The following BSX variants were observed in gnomAD, a reference collection of about 807,000 sequenced individuals.
The protein encoded by BSX is brain-specific homeobox protein homolog.
Under a neutral mutation model 16.9 loss-of-function variants are expected in BSX, and 12 were observed. The ratio of observed to expected loss-of-function variants is 0.71; its 90% CI spans 0.46 to 1.15. BSX has a LOEUF of 1.15. Ranked by LOEUF, BSX falls within the 50% of genes most tolerant of loss-of-function variation. The probability of loss-of-function intolerance (pLI) is 0.00; values close to 1 mark genes in which losing one functional copy is unlikely to be tolerated. For missense variants in BSX, 292 were observed against 311.8 expected (o/e 0.94, Z 0.48); for synonymous variants, 160 against 136.4 (o/e 1.17, Z -1.20).
Position 122,981,516 on chromosome 11 carries a change from T to C in BSX, c.156A>G (p.Leu52=), listed in dbSNP as rs370532557. The C allele has an allele frequency of 1.8e-4, 280 of 1,594,924 alleles. No homozygotes were observed. The highest frequency in any genetic ancestry group is 2.2e-4 in the Non-Finnish European group (256 of 1,170,732). ...TGGGCATGAGGGGGTAGCCATAGTCTAGCAGAGGCACCCGAGAGGCCAGAG... is the reference window on the plus strand; with the variant it reads ...TGGGCATGAGGGGGTAGCCATAGTCCAGCAGAGGCACCCGAGAGGCCAGAG... The part of the protein sequence containing the change: ...ASSLASRVPL[L]DYGYPLMPTP... The change falls in exon 1 of 3, where the codon CTA becomes CTG. Residue 52 remains leucine (L), a synonymous_variant. Coordinates refer to ENST00000343035, the MANE Select transcript of BSX (RefSeq NM_001098169.2).
At position 122,981,752 on chromosome 11, in the gene BSX, C is replaced by T; in HGVS notation, c.-81G>A. ...CAGAGTCTCCAAGCCTGCTCGAAAG[C>T]CGGCAACCACCCTCCGAGGCTCGAA... On this transcript the variant is annotated 5_prime_UTR_variant, in exon 1 of 3. Transcript: ENST00000343035. The T allele has an allele frequency of 7.3e-7, 1 of 1,377,242 alleles. No homozygotes were observed. The allele number at this position is 1,377,242 out of a possible 1,614,324, so 85.3% of individuals were successfully genotyped here. A position where few individuals can be genotyped will look rare whatever the true frequency, so the allele number is the denominator to read the frequency against.
intron 1 of BSX, among the ~76,000 whole-genome samples, chr11:122,980,242 G>A (rs73608623): frequency 8.3e-4 from 126 of 151,748 alleles, no homozygotes; most frequent in African/African-American, 3.0e-3. Context: ...CCTGACCCTC[G>A]CAGGCTTGAC....
chr11:122,981,341 A>G, intron 1 of BSX, 69 bp downstream of exon 1: 3 of 1,387,008 alleles, frequency 2.2e-6, no homozygotes, highest in Non-Finnish European at 2.9e-6. Flanking sequence ...TGACTCCATC[A>G]CAGGCTTAGG....
chr11:122,977,674 A>G lies in BSX; in HGVS notation c.677T>C (p.Leu226Pro), dbSNP rs764094953. 2 of 1,610,734 alleles carry G rather than the reference A, an allele frequency of 1.2e-6. No individual in the cohort carries two copies. The highest frequency in any genetic ancestry group is 3.3e-5 in the Admixed American group (2 of 60,006). Reference protein sequence around the residue: ...DEVDIGDEGELGSGPHVL With the variant: ...DEVDIGDEGEPGSGPHVL The stretch of plus-strand genomic sequence containing the variant: ...TCAGAGCACGTGCGGCCCTGAGCCC[A>G]GCTCCCCCTCGTCTCCAATGTCCAC... Residue 226 changes from leucine to proline, a missense_variant, in exon 3 of 3, where the codon CTG becomes CCG. By Grantham distance (98) the Leu-to-Pro change is moderately conservative (BLOSUM62 -3). Around this residue, in one of 3 missense-constraint regions of BSX, gnomAD observed 107 missense variants for 97.1 expected, o/e 1.10. Coordinates refer to ENST00000343035, the MANE Select transcript of BSX (RefSeq NM_001098169.2). This position sits in a 1 kb window ranked among gnomAD's most constrained non-coding sequence, Gnocchi z 4.5.
intron 2 of BSX, among the ~76,000 whole-genome samples, chr11:122,978,337 G>A (rs1356731579): frequency 6.6e-6 from 1 of 152,220 alleles, no homozygotes; most frequent in Non-Finnish European, 1.5e-5. Flanking sequence ...GGCGTTCCGG[G>A]TAGAGACTAT....
At chr11:122,980,603 C>G (rs998726756) in intron 1 of BSX, among the ~76,000 whole-genome samples, 3 of 152,098 alleles carry the variant, frequency 2.0e-5, no homozygotes, top group African/African-American at 7.2e-5. Context: ...TTGAAAACGC[C>G]AGAGAAAAAA....
intron 2 of BSX, among the ~76,000 whole-genome samples, chr11:122,978,329 C>A (rs1345806785): frequency 6.6e-6 from 1 of 152,064 alleles, no homozygotes; most frequent in Non-Finnish European, 1.5e-5. Context: ...TAGCAAGAGG[C>A]GTTCCGGGTA....
Position 122,977,699 on chromosome 11 carries a change from C to A in BSX, c.652G>T (p.Val218Leu), listed in dbSNP as rs1332527279. The change falls in exon 3 of 3, where the codon GTG becomes TTG. Residue 218 changes from valine (V) to leucine (L), a missense_variant. By Grantham distance (32) the Val-to-Leu change is conservative (BLOSUM62 1). Transcript: ENST00000343035. This position sits in a 1 kb window ranked among gnomAD's most constrained non-coding sequence, Gnocchi z 4.5. ...AGCTCCCCCTCGTCTCCAATGTCCA[C>A]CTCGTCCTCTGGCTCGGTCAGCACG... The part of the protein sequence containing the change: ...PFVLTEPEDE[V>L]DIGDEGELGS... 6.2e-7 allele frequency: 1 copy of A among 1,612,700 alleles called. No homozygotes were observed. Among genetic ancestry groups the A allele is most frequent in the African/African-American group, 1.3e-5 (1 of 75,054 alleles).
At chr11:122,979,217 G>C (rs1434128413) in intron 2 of BSX, 44 bp downstream of exon 2, 4 of 1,552,462 alleles carry the variant, frequency 2.6e-6, no homozygotes, top group Non-Finnish European at 3.5e-6. Flanking sequence ...TGAAGGCAGA[G>C]AGGAACGAAG....
Position 122,979,242 on chromosome 11 carries a change from T to G in BSX, c.459+19A>C. The G allele has an allele frequency of 6.2e-7, 1 of 1,601,888 alleles. No homozygotes were observed. Among genetic ancestry groups the G allele is most frequent in the Non-Finnish European group, 8.5e-7 (1 of 1,171,906 alleles). On this transcript the variant is annotated intron_variant, in intron 2 of 2. Transcript: ENST00000343035. ...GAGGAACGAAGCAGAGATCAGGGCC[T>G]CCCTCTCCTCCCGCCCACCTGCGTC...
At chr11:122,980,911 T>C (rs543245383) in intron 1 of BSX, among the ~76,000 whole-genome samples, 2 of 152,264 alleles carry the variant, frequency 1.3e-5, no homozygotes, top group South Asian at 4.2e-4. Context: ...CTTCATTCAC[T>C]TCTATGCCCC....
Position 122,981,730 on chromosome 11 carries a change from A to C in BSX, c.-59T>G, listed in dbSNP as rs934056871. The C allele has an allele frequency of 1.5e-5, 23 of 1,500,680 alleles. No homozygotes were observed. The highest frequency in any genetic ancestry group is 2.0e-5 in the Non-Finnish European group (22 of 1,121,992). 93.0% of individuals were successfully genotyped at this position (1,500,680 alleles called of 1,614,324 possible). A position where few individuals can be genotyped will look rare whatever the true frequency, so the allele number is the denominator to read the frequency against. On this transcript the variant is annotated 5_prime_UTR_variant, in exon 1 of 3. Transcript: ENST00000343035. The stretch of plus-strand genomic sequence containing the variant: ...GGGACGAAGTGGAGGACGCAGGCAG[A>C]GTCTCCAAGCCTGCTCGAAAGCCGG...
Position 122,981,466 on chromosome 11 carries a change from G to C in BSX, c.206C>G (p.Ala69Gly). 1 of 1,574,996 alleles carries C rather than the reference G, an allele frequency of 6.3e-7. No homozygotes were observed. Among genetic ancestry groups the C allele is most frequent in the African/African-American group, 1.3e-5 (1 of 74,456 alleles). ...GTCTCCCTTATGCAGAGGGTGATGG[G>C]CGTGAGGAGCCAAGAGGGTGGGTGT... ...MPTPTLLAPH[A>G]HHPLHKGDHH... The change falls in exon 1 of 3, where the codon GCC (alanine) becomes GGC (glycine). Residue 69 changes from alanine to glycine, a missense_variant. Ala to Gly is a moderately conservative substitution (Grantham distance 60, BLOSUM62 0). Transcript: ENST00000343035.
chr11:122,979,148 A>T (rs1277795073), intron 2 of BSX, 113 bp downstream of exon 2: 11 of 1,061,322 alleles, frequency 1.0e-5, no homozygotes, highest in Non-Finnish European at 1.5e-5. Context: ...GGCTTAGAAT[A>T]AGCGTCAGCG....
rs1591412399 is a variant in BSX at position 122,981,761 on chromosome 11, A to C, written c.-90T>G. On this transcript the variant is annotated 5_prime_UTR_variant, in exon 1 of 3. Transcript: ENST00000343035. ...CAAGCCTGCTCGAAAGCCGGCAACC[A>C]CCCTCCGAGGCTCGAATCTCCGCTG... The C allele has an allele frequency of 7.5e-7, 1 of 1,330,884 alleles. No homozygotes were observed. Among genetic ancestry groups the C allele is most frequent in the Non-Finnish European group, 1.0e-6 (1 of 992,760 alleles). 82.4% of individuals were successfully genotyped at this position (1,330,884 alleles called of 1,614,324 possible).
Position 122,981,503 on chromosome 11 carries a change from G to T in BSX, c.169C>A (p.Pro57Thr), listed in dbSNP as rs772352727. The change falls in exon 1 of 3, where the codon CCC becomes ACC. Residue 57 changes from proline (P) to threonine (T), a missense_variant. Transcript: ENST00000343035. Reference sequence around the variant, plus strand: ...AAGAGGGTGGGTGTGGGCATGAGGGGGTAGCCATAGTCTAGCAGAGGCACC... The same window carrying T: ...AAGAGGGTGGGTGTGGGCATGAGGGTGTAGCCATAGTCTAGCAGAGGCACC... ...SRVPLLDYGY[P>T]LMPTPTLLAP... 21 of 1,590,534 alleles carry T rather than the reference G, an allele frequency of 1.3e-5. No individual in the cohort carries two copies. Among genetic ancestry groups the T allele is most frequent in the African/African-American group, 2.7e-5 (2 of 74,580 alleles).
intron 2 of BSX, among the ~76,000 whole-genome samples, chr11:122,978,754 T>C (rs896337740): frequency 6.6e-6 from 1 of 150,582 alleles, no homozygotes; most frequent in Non-Finnish European, 1.5e-5. Flanking sequence ...AAGTATGACA[T>C]GGGGTTGGGG....
At chr11:122,980,627 C>T (rs1290642678) in intron 1 of BSX, among the ~76,000 whole-genome samples, 1 of 152,148 alleles carries the variant, frequency 6.6e-6, no homozygotes, top group Non-Finnish European at 1.5e-5. Context: ...TGGATGTGGC[C>T]TTTCAGAGGG....
chr11:122,980,462 T>G (rs1565348306), intron 1 of BSX, among the ~76,000 whole-genome samples: 1 of 152,052 alleles, frequency 6.6e-6, no homozygotes. Flanking sequence ...TACAAACACT[T>G]TTAGCTTTGT....
Sources: gnomAD v4.1 joint callset for allele counts (sites outside exome capture counted in the v4.1 genomes callset) on GRCh38, gnomAD v4.1.1 for gene constraint, gnomAD v4.1.1 regional missense constraint, Gnocchi (gnomAD v3.1) non-coding constraint, MANE v1.5 for transcripts, NCBI Gene and HGNC (gene_info 2026-07-23, HGNC 2026-07-21) for gene names.